BOLA3: variants seen among roughly 807,000 people sequenced by gnomAD.
The protein encoded by BOLA3 is bolA family member 3.
In BOLA3, 8 loss-of-function variants were observed where a neutral mutation model predicts 14.5. The ratio of observed to expected loss-of-function variants is 0.55; its 90% CI spans 0.32 to 0.99. The LOEUF (loss-of-function observed/expected upper bound fraction) is 0.99. BOLA3 is among the 50% of genes least tolerant of loss of function. The probability of loss-of-function intolerance (pLI) is 0.04; values close to 1 mark genes in which losing one functional copy is unlikely to be tolerated. For synonymous variants in BOLA3, 42 were observed against 45.7 expected (o/e 0.92, Z 0.33); for missense variants, 115 against 138.2 (o/e 0.83, Z 0.84).
At chr2:74,140,966 C>G (rs890985224) in intron 3 of BOLA3, among the ~76,000 whole-genome samples, 4 of 152,230 alleles carry the variant, frequency 2.6e-5, no homozygotes, top group Admixed American at 6.5e-5. Flanking sequence ...CCACTTGTAA[C>G]TGTGGTTTCA....
At chr2:74,139,479 C>A (rs1692397145) in intron 3 of BOLA3, among the ~76,000 whole-genome samples, 2 of 151,852 alleles carry the variant, frequency 1.3e-5, no homozygotes, top group African/African-American at 4.8e-5. Context: ...GATTCCAGGT[C>A]TCTGCCTCCT....
Position 74,135,672 on chromosome 2 carries a change from C to T in BOLA3, c.259-14G>A, listed in dbSNP as rs1355170749. 3 of 1,567,388 alleles carry T rather than the reference C, an allele frequency of 1.9e-6. No individual in the cohort carries two copies. Among genetic ancestry groups the T allele is most frequent in the African/African-American group, 2.7e-5 (2 of 73,988 alleles). On this transcript the variant is annotated splice_polypyrimidine_tract_variant and intron_variant, in intron 3 of 3. Transcript: ENST00000327428. ...TTCTTTTAGTGCCTAAGTAAGAAAA[C>T]AGCATCATCAGTTTTTGTGTATTTG...
At chr2:74,142,529 G>A (rs187917571) in intron 2 of BOLA3, among the ~76,000 whole-genome samples, 169 bp from the exon 3 acceptor site, 50 of 152,262 alleles carry the variant, frequency 3.3e-4, no homozygotes, top group African/African-American at 1.0e-3. Context: ...CTGACCACAT[G>A]CTCCTCCTGA....
At chr2:74,145,438 T>C (rs1363716063) in intron 1 of BOLA3, 135 bp from the exon 2 acceptor site, 1 of 708,884 alleles carries the variant, frequency 1.4e-6, no homozygotes, top group Non-Finnish European at 2.6e-6. Context: ...CCATGGGTTA[T>C]GTCAGAGGGG....
chr2:74,138,285 G>A (rs1033827922), intron 3 of BOLA3, among the ~76,000 whole-genome samples: 2 of 152,228 alleles, frequency 1.3e-5, no homozygotes, highest in African/African-American at 4.8e-5. Context: ...CACTATAGTA[G>A]GTGCTGGGGA....
At chr2:74,145,548 G>GA in intron 1 of BOLA3, 1 of 555,692 alleles carries the variant, frequency 1.8e-6, no homozygotes, top group Non-Finnish European at 3.2e-6. Context: ...TGACTCCAGA[G>GA]ACAAGAGGCC....
chr2:74,139,931 G>A (rs1692407900), intron 3 of BOLA3, among the ~76,000 whole-genome samples: 1 of 151,920 alleles, frequency 6.6e-6, no homozygotes, highest in Admixed American at 6.6e-5. Context: ...GATCGTCAAG[G>A]AGTTCAAGAC....
intron 1 of BOLA3, chr2:74,146,542 T>G (rs1012195648): frequency 1.3e-5 from 2 of 151,896 alleles, no homozygotes; most frequent in African/African-American, 4.8e-5. Context: ...CTGGAGCGAG[T>G]CAGGAGAGAT....
At chr2:74,138,567 C>G (rs1253181746) in intron 3 of BOLA3, among the ~76,000 whole-genome samples, 1 of 152,202 alleles carries the variant, frequency 6.6e-6, no homozygotes, top group Non-Finnish European at 1.5e-5. Flanking sequence ...CTGGGAAGCT[C>G]CCGTGATTCA....
At chr2:74,142,823 C>G (rs702466) in intron 2 of BOLA3, among the ~76,000 whole-genome samples, 49,749 of 152,124 alleles carry the variant, frequency 0.33, 9,425 homozygotes, top group Middle Eastern at 0.46. Flanking sequence ...AGGAAAGAAC[C>G]AGGGGAGCAT....
At chr2:74,138,225 A>G (rs955289438) in intron 3 of BOLA3, among the ~76,000 whole-genome samples, 1 of 152,250 alleles carries the variant, frequency 6.6e-6, no homozygotes, top group Non-Finnish European at 1.5e-5. Flanking sequence ...TCCCATGGGT[A>G]ATAAGATGCA....
Position 74,147,847 on chromosome 2 carries a change from C to T in BOLA3, c.28G>A (p.Ala10Thr). 6.6e-7 allele frequency: 1 copy of T among 1,525,510 alleles called. No homozygotes were observed. Among genetic ancestry groups the T allele is most frequent in the Non-Finnish European group, 8.7e-7 (1 of 1,143,376 alleles). 94.5% of individuals were successfully genotyped at this position (1,525,510 alleles called of 1,614,324 possible). MAAWSPAAAAPLLRGIRGLP... is the reference protein window; with the variant it reads MAAWSPAAATPLLRGIRGLP... ...CCGCGGATCCCGCGGAGGAGAGGCGCTGCCGCGGCCGGGCTCCATGCAGCC... is the reference window on the plus strand; with the variant it reads ...CCGCGGATCCCGCGGAGGAGAGGCGTTGCCGCGGCCGGGCTCCATGCAGCC... Residue 10 changes from alanine to threonine, a missense_variant, in exon 1 of 4, where the codon GCG (alanine) becomes ACG (threonine). Transcript: ENST00000327428.
chr2:74,147,843 G>T lies in BOLA3; in HGVS notation c.32C>A (p.Pro11His). 6.6e-7 allele frequency: 1 copy of T among 1,525,814 alleles called. No individual in the cohort carries two copies. The highest frequency in any genetic ancestry group is 8.7e-7 in the Non-Finnish European group (1 of 1,143,494). 94.5% of individuals were successfully genotyped at this position (1,525,814 alleles called of 1,614,324 possible). MAAWSPAAAAPLLRGIRGLPL... is the reference protein window; with the variant it reads MAAWSPAAAAHLLRGIRGLPL... ...CACCCCGCGGATCCCGCGGAGGAGAGGCGCTGCCGCGGCCGGGCTCCATGC... is the reference window on the plus strand; with the variant it reads ...CACCCCGCGGATCCCGCGGAGGAGATGCGCTGCCGCGGCCGGGCTCCATGC... The change falls in exon 1 of 4, where the codon CCT (proline) becomes CAT (histidine). Residue 11 changes from proline (P) to histidine (H), a missense_variant. Physicochemically the swap from Pro to His is moderately conservative, Grantham distance 77. Transcript: ENST00000327428.
In BOLA3 at chr2:74,147,864, C is replaced by T. The variant is rs1181798002; in HGVS notation, c.11G>A (p.Trp4Ter). ...GAGAGGCGCTGCCGCGGCCGGGCTC[C>T]ATGCAGCCATGCCCGGCCGACGTGA... MAA[W>*]SPAAAAPLLR... is the part of the protein sequence containing the mutation. The change falls in exon 1 of 4, where the codon TGG (tryptophan) becomes TAG (stop). Residue 4 changes from tryptophan to a stop codon, truncating the protein, a stop_gained. Transcript: ENST00000327428. LOFTEE classifies it high-confidence loss of function. 4 of 1,523,292 alleles carry T rather than the reference C, an allele frequency of 2.6e-6. No individual in the cohort carries two copies. Among genetic ancestry groups the T allele is most frequent in the Non-Finnish European group, 3.5e-6 (4 of 1,142,494 alleles). 94.4% of individuals were successfully genotyped at this position (1,523,292 alleles called of 1,614,324 possible). A position where few individuals can be genotyped will look rare whatever the true frequency, so the allele number is the denominator to read the frequency against.
intron 3 of BOLA3, 94 bp from the exon 4 acceptor site, chr2:74,135,752 G>A: frequency 1.0e-6 from 1 of 982,616 alleles, no homozygotes; most frequent in Admixed American, 1.8e-5. Context: ...GCATCTGAAG[G>A]AGACTTTGTA....
At chr2:74,142,154 T>A in intron 3 of BOLA3, 118 bp downstream of exon 3, 1 of 761,310 alleles carries the variant, frequency 1.3e-6, no homozygotes, top group Non-Finnish European at 2.3e-6. Context: ...TCCTGTTTCG[T>A]GATTGCAGTA....
At chr2:74,135,803 A>AT (rs1572938898) in intron 3 of BOLA3, 145 bp from the exon 4 acceptor site, 4 of 665,738 alleles carry the variant, frequency 6.0e-6, no homozygotes, top group East Asian at 2.6e-5. Flanking sequence ...TTGAAAAACA[A>AT]TTTTTTTTAA....
At chr2:74,137,080 CTCT>C (rs1692346824) in intron 3 of BOLA3, among the ~76,000 whole-genome samples, 2 of 152,214 alleles carry the variant, frequency 1.3e-5, no homozygotes, top group African/African-American at 4.8e-5. Flanking sequence ...CTTTTCTAGT[CTCT>C]TTAGTGATCT....
At chr2:74,140,319 C>T (rs1692416193) in intron 3 of BOLA3, among the ~76,000 whole-genome samples, 1 of 152,066 alleles carries the variant, frequency 6.6e-6, no homozygotes, top group Non-Finnish European at 1.5e-5. Context: ...TTAAAAAGTG[C>T]CCCAATGTCA....
Sources: gnomAD v4.1 joint callset for allele counts (sites outside exome capture counted in the v4.1 genomes callset) on GRCh38, gnomAD v4.1.1 for gene constraint, MANE v1.5 for transcripts, NCBI Gene and HGNC (gene_info 2026-07-23, HGNC 2026-07-21) for gene names.